The following AKAP6 variants were observed in gnomAD, a reference collection of about 807,000 sequenced individuals.
The protein encoded by AKAP6 is A-kinase anchor protein 6.
AKAP6 carries 58 observed loss-of-function variants against 188.5 expected under a neutral mutation model. The ratio of observed to expected loss-of-function variants is 0.31; its 90% CI spans 0.25 to 0.38. AKAP6 has a LOEUF of 0.38. Ranked by LOEUF, AKAP6 falls within the 10% of genes least tolerant of loss-of-function variation. AKAP6 has a pLI of 1.00. For missense variants in AKAP6, 2,710 were observed against 2,740.0 expected (o/e 0.99, Z 0.24); for synonymous variants, 989 against 998.6 (o/e 0.99, Z 0.18).
chr14:32,764,695 TACACACACACAC>T (rs34290753), intron 11 of AKAP6, among the ~76,000 whole-genome samples: 1 of 148,358 alleles, frequency 6.7e-6, no homozygotes, highest in Admixed American at 6.8e-5. Flanking sequence ...ATGACAATAA[TACACACACACAC>T]ACACACACAC....
At chr14:32,352,179 C>G (rs958480384) in intron 1 of AKAP6, among the ~76,000 whole-genome samples, 5 of 151,250 alleles carry the variant, frequency 3.3e-5, no homozygotes, top group African/African-American at 1.2e-4. Flanking sequence ...ATAGCCAGTT[C>G]TCTCTCATTC....
chr14:32,804,076 G>C (rs1483839279), intron 12 of AKAP6, among the ~76,000 whole-genome samples: 1 of 152,154 alleles, frequency 6.6e-6, no homozygotes, highest in Non-Finnish European at 1.5e-5. Flanking sequence ...TCATAAATGA[G>C]TTAATACCTA....
chr14:32,393,693 TAAG>T (rs1225580723), intron 1 of AKAP6, among the ~76,000 whole-genome samples: 1 of 152,116 alleles, frequency 6.6e-6, no homozygotes, highest in Non-Finnish European at 1.5e-5. Context: ...TTAAAAAAAT[TAAG>T]AAGAAAAATT....
intron 2 of AKAP6, among the ~76,000 whole-genome samples, chr14:32,528,218 TTTCTC>T (rs1269791140): frequency 6.6e-6 from 1 of 152,184 alleles, no homozygotes; most frequent in African/African-American, 2.4e-5. Flanking sequence ...AAGACTGTCT[TTTCTC>T]TATTGTGTTG....
At chr14:32,488,062 G>A (rs1178024615) in intron 2 of AKAP6, among the ~76,000 whole-genome samples, 1 of 152,196 alleles carries the variant, frequency 6.6e-6, no homozygotes, top group African/African-American at 2.4e-5. Context: ...TGCTGTGTTG[G>A]GAGATCCGCT....
chr14:32,342,689 G>C (rs1388118730), intron 1 of AKAP6, among the ~76,000 whole-genome samples: 1 of 152,182 alleles, frequency 6.6e-6, no homozygotes, highest in Non-Finnish European at 1.5e-5. Flanking sequence ...GTGGTAAAGA[G>C]AGGAAGAAAA....
chr14:32,610,900 TC>T (rs1311561104), intron 7 of AKAP6, among the ~76,000 whole-genome samples: 1 of 152,218 alleles, frequency 6.6e-6, no homozygotes, highest in African/African-American at 2.4e-5. Context: ...GCTTTGGATA[TC>T]AGGCTGAAGA....
intron 4 of AKAP6, among the ~76,000 whole-genome samples, chr14:32,557,304 C>G (rs1883731286): frequency 1.3e-5 from 2 of 152,144 alleles, no homozygotes; most frequent in African/African-American, 2.4e-5. Flanking sequence ...TCACCATGTG[C>G]CCAGGCTGGT....
At chr14:32,381,444 A>G (rs547239695) in intron 1 of AKAP6, among the ~76,000 whole-genome samples, 1 of 152,196 alleles carries the variant, frequency 6.6e-6, no homozygotes, top group Non-Finnish European at 1.5e-5. Flanking sequence ...GTTTCTGGGT[A>G]GTGGTAGAGA....
At chr14:32,455,314 T>C (rs1453819840) in intron 2 of AKAP6, among the ~76,000 whole-genome samples, 1 of 152,088 alleles carries the variant, frequency 6.6e-6, no homozygotes, top group African/African-American at 2.4e-5. Flanking sequence ...ATAATACACA[T>C]ATTTAGGTCT....
At chr14:32,718,842 G>A (rs538267938) in intron 9 of AKAP6, among the ~76,000 whole-genome samples, 1 of 152,206 alleles carries the variant, frequency 6.6e-6, no homozygotes, top group Admixed American at 6.5e-5. Flanking sequence ...TTTCTTTTGG[G>A]AGAAATTCAA....
intron 4 of AKAP6, among the ~76,000 whole-genome samples, chr14:32,573,643 G>A (rs1442660072): frequency 6.6e-6 from 1 of 152,048 alleles, no homozygotes; most frequent in Non-Finnish European, 1.5e-5. Flanking sequence ...CACATAGAAG[G>A]CACTTAATAA....
chr14:32,389,105 T>C (rs1888625321), intron 1 of AKAP6, among the ~76,000 whole-genome samples: 1 of 152,174 alleles, frequency 6.6e-6, no homozygotes, highest in Non-Finnish European at 1.5e-5. Context: ...TCCCTCTTTG[T>C]CTTTTTTAAC....
chr14:32,509,649 G>T (rs2139013794), intron 2 of AKAP6, among the ~76,000 whole-genome samples: 1 of 152,196 alleles, frequency 6.6e-6, no homozygotes, highest in African/African-American at 2.4e-5. Flanking sequence ...AAATTACACT[G>T]TTCTGTCCTG....
intron 2 of AKAP6, among the ~76,000 whole-genome samples, chr14:32,454,677 TTCC>T (rs1891067332): frequency 1.2e-4 from 5 of 42,218 alleles, no homozygotes; most frequent in African/African-American, 8.2e-4. Flanking sequence ...CCTTCCCTCC[TTCC>T]CTCCTTCCCT....
intron 2 of AKAP6, among the ~76,000 whole-genome samples, chr14:32,457,246 A>G (rs754604572): frequency 5.4e-4 from 82 of 152,220 alleles, no homozygotes; most frequent in Non-Finnish European, 9.6e-4. Context: ...AGGAAATCCA[A>G]TATAGAAAAG....
intron 1 of AKAP6, among the ~76,000 whole-genome samples, chr14:32,429,000 A>G (rs975240729): frequency 6.6e-6 from 1 of 152,212 alleles, no homozygotes; most frequent in Non-Finnish European, 1.5e-5. Context: ...GCTGGGATAA[A>G]GGTGGTATTA....
intron 1 of AKAP6, among the ~76,000 whole-genome samples, chr14:32,360,712 A>AGTGTGTGTGTGTGT (rs35969035): frequency 2.2e-4 from 30 of 136,122 alleles, no homozygotes; most frequent in Admixed American, 4.5e-4. Flanking sequence ...TTGGCCATTG[A>AGTGTGTGTGTGTGT]GTGTGTGTGT....
intron 1 of AKAP6, among the ~76,000 whole-genome samples, chr14:32,352,363 A>G (rs1257313897): frequency 6.6e-6 from 1 of 151,968 alleles, no homozygotes; most frequent in South Asian, 2.1e-4. Flanking sequence ...TGTTTAAATC[A>G]GGGTATTTAA....
Sources: gnomAD v4.1 joint callset for allele counts (sites outside exome capture counted in the v4.1 genomes callset) on GRCh38, gnomAD v4.1.1 for gene constraint, MANE v1.5 for transcripts, NCBI Gene and HGNC (gene_info 2026-07-23, HGNC 2026-07-21) for gene names.